The following STPG2 variants were observed in gnomAD, a reference collection of about 807,000 sequenced individuals.
STPG2 encodes the protein sperm tail PG-rich repeat containing 2, also known as sperm-tail PG-rich repeat-containing protein 2.
A neutral mutation model predicts 54.2 loss-of-function variants in STPG2; 56 were observed. The observed-to-expected ratio is 1.03, with a 90% CI of 0.83 to 1.29. The LOEUF is 1.29. STPG2 is among the 50% of genes most tolerant of loss of function. The pLI, the probability that STPG2 is intolerant of heterozygous loss-of-function variation, is 0.00. For missense variants in STPG2, 596 were observed against 544.9 expected, an observed-to-expected ratio of 1.09 and a Z score of -0.93; for synonymous variants, 200 against 181.8, an observed-to-expected ratio of 1.10 and a Z score of -0.81.
In STPG2 at chr4:97,836,424, A is replaced by G. The variant is rs148424695; in HGVS notation, c.1204+4349T>C. On this transcript the variant is annotated intron_variant, in intron 9 of 10. Coordinates refer to ENST00000295268, the MANE Select transcript of STPG2 (RefSeq NM_174952.3). ...AAGCCATTTACGTTGTTTTATTCAG[A>G]CATAATGCTATCGCACACTTAATAG... 5.7e-3 allele frequency among the ~76,000 whole-genome samples: 861 copies of G among 152,040 alleles called. 8 individuals carry two copies. The highest frequency in any genetic ancestry group is 0.02 in the African/African-American group (813 of 41,510).
At chr4:97,971,810 A>T (rs921638011) in intron 7 of STPG2, among the ~76,000 whole-genome samples, 5 of 152,152 alleles carry the variant, frequency 3.3e-5, no homozygotes, top group African/African-American at 4.8e-5. Context: ...AAAAAAATAA[A>T]CAAAATAAAA....
In STPG2 at chr4:98,106,190, A is replaced by G. The variant is rs371148967; in HGVS notation, c.501-126T>C. On this transcript the variant is annotated intron_variant, in intron 4 of 10. Coordinates refer to ENST00000295268, the MANE Select transcript of STPG2 (RefSeq NM_174952.3). Reference sequence around the variant, plus strand: ...AAACTATGGAATAATAAGATTATCTAGGTATATTAGACCAATATATTCAAA... The same window carrying G: ...AAACTATGGAATAATAAGATTATCTGGGTATATTAGACCAATATATTCAAA... 8.5e-5 allele frequency: 57 copies of G among 674,156 alleles called. No homozygotes were observed. The South Asian group carries it at 1.3e-3, about 15-fold the overall frequency. 41.8% of individuals were successfully genotyped at this position (674,156 alleles called of 1,614,324 possible).
intron 6 of STPG2, among the ~76,000 whole-genome samples, chr4:97,980,683 T>C (rs1224603308): frequency 6.6e-6 from 1 of 152,186 alleles, no homozygotes; most frequent in African/African-American, 2.4e-5. Flanking sequence ...TGAACAGCAA[T>C]AGATGCCCAG....
At chr4:98,018,548 G>A (rs1736052796) in intron 5 of STPG2, among the ~76,000 whole-genome samples, 1 of 152,190 alleles carries the variant, frequency 6.6e-6, no homozygotes, top group Non-Finnish European at 1.5e-5. Context: ...TGGGATGGCT[G>A]GGTCAAATGG....
rs144400056 is a variant in STPG2, at chr4:97,886,227, T to C, written c.1045-45295A>G. Among the ~76,000 whole-genome samples the C allele has an allele frequency of 2.6e-5, 4 of 152,204 alleles. No individual in the cohort carries two copies. The East Asian group carries it at 5.8e-4, about 22-fold the overall frequency. The stretch of plus-strand genomic sequence containing the variant: ...GTATTCTAGTAGAATTACTGAACTT[T>C]ATAGAAAAAAATAATTTAGGCATCG... On this transcript the variant is annotated intron_variant, in intron 8 of 10. Transcript: ENST00000295268.
chr4:97,740,211 T>C (rs1371159362), intron 9 of STPG2, among the ~76,000 whole-genome samples: 1 of 152,062 alleles, frequency 6.6e-6, no homozygotes, highest in African/African-American at 2.4e-5. Flanking sequence ...ATGGGACGTA[T>C]CTCAAAATAA....
intron 10 of STPG2, among the ~76,000 whole-genome samples, chr4:97,653,233 C>T (rs973007703): frequency 6.6e-6 from 1 of 151,886 alleles, no homozygotes; most frequent in Non-Finnish European, 1.5e-5. Flanking sequence ...TATTAGGGAA[C>T]CACGTAGCAG....
intron 8 of STPG2, among the ~76,000 whole-genome samples, chr4:97,906,159 T>C (rs1372878114): frequency 1.3e-5 from 2 of 151,748 alleles, no homozygotes; most frequent in Admixed American, 6.6e-5. Context: ...ATCAAATAGA[T>C]GCAATAAAAA....
At chr4:97,963,348 T>A (rs1240809651) in intron 7 of STPG2, among the ~76,000 whole-genome samples, 1 of 151,966 alleles carries the variant, frequency 6.6e-6, no homozygotes, top group African/African-American at 2.4e-5. Flanking sequence ...ATAAATTTAA[T>A]ATTATGTTTT....
chr4:97,586,984 TATC>T (rs1452374916), intron 10 of STPG2, among the ~76,000 whole-genome samples: 1 of 151,876 alleles, frequency 6.6e-6, no homozygotes, highest in African/African-American at 2.4e-5. Flanking sequence ...TTATAACAAA[TATC>T]ATTCAGATTT....
chr4:97,882,474 A>C (rs1389681019), intron 8 of STPG2, among the ~76,000 whole-genome samples: 1 of 152,172 alleles, frequency 6.6e-6, no homozygotes, highest in Non-Finnish European at 1.5e-5. Context: ...CTGGGAAATG[A>C]TAGCATTTTT....
intron 10 of STPG2, among the ~76,000 whole-genome samples, chr4:97,564,440 G>C (rs1233470720): frequency 6.8e-6 from 1 of 146,562 alleles, no homozygotes; most frequent in African/African-American, 2.8e-5. Context: ...TACATTTAAA[G>C]TTAATATTGT....
At chr4:97,591,302 T>C (rs1053991531) in intron 10 of STPG2, among the ~76,000 whole-genome samples, 2 of 152,138 alleles carry the variant, frequency 1.3e-5, no homozygotes, top group Non-Finnish European at 2.9e-5. Context: ...GATTTGAAAT[T>C]AAGCCAGAAA....
chr4:97,726,864 G>C (rs187571877), intron 9 of STPG2, among the ~76,000 whole-genome samples: 24 of 150,274 alleles, frequency 1.6e-4, no homozygotes, highest in African/African-American at 4.4e-4. Context: ...CACACACACA[G>C]AGAATATACC....
chr4:97,842,042 T>C (rs1728816435), intron 8 of STPG2, among the ~76,000 whole-genome samples: 1 of 151,870 alleles, frequency 6.6e-6, no homozygotes, highest in Non-Finnish European at 1.5e-5. Context: ...TGAGAAAGCA[T>C]ACTTTTGAAG....
intron 10 of STPG2, among the ~76,000 whole-genome samples, chr4:97,605,621 G>A (rs1223368741): frequency 1.3e-5 from 2 of 151,596 alleles, no homozygotes; most frequent in Non-Finnish European, 3.0e-5. Context: ...TAGAGGTATT[G>A]TGTTTTAACA....
At chr4:97,745,254 A>AC (rs201767313) in intron 9 of STPG2, among the ~76,000 whole-genome samples, 4 of 97,854 alleles carry the variant, frequency 4.1e-5, no homozygotes, top group African/African-American at 1.6e-4. Context: ...TAAAAAAAAA[A>AC]CAAAAAAACA....
intron 8 of STPG2, among the ~76,000 whole-genome samples, chr4:97,893,435 TC>T (rs757591589): frequency 1.3e-5 from 2 of 152,100 alleles, no homozygotes; most frequent in African/African-American, 2.4e-5. Context: ...AGTTTATTTC[TC>T]TTTCGTTTAA....
At chr4:97,888,838 A>C (rs1260548406) in intron 8 of STPG2, among the ~76,000 whole-genome samples, 1 of 152,180 alleles carries the variant, frequency 6.6e-6, no homozygotes, top group African/African-American at 2.4e-5. Flanking sequence ...GGGGCCTGGT[A>C]GGAGGTGACT....
Sources: allele counts gnomAD v4.1 joint callset (sites outside exome capture counted in the v4.1 genomes callset), GRCh38; gene constraint gnomAD v4.1.1; transcripts MANE v1.5; gene names NCBI Gene and HGNC (gene_info 2026-07-23, HGNC 2026-07-21).